SGCD: variants seen among roughly 807,000 people sequenced by gnomAD.
The protein encoded by SGCD is sarcoglycan delta.
In SGCD, 18 loss-of-function variants were observed where a neutral mutation model predicts 36.6. The ratio of observed to expected loss-of-function variants is 0.49; its 90% CI spans 0.34 to 0.73. The LOEUF (loss-of-function observed/expected upper bound fraction) is 0.73, where lower values mean the gene tolerates loss of function less well. Ranked by LOEUF, SGCD falls within the 30% of genes least tolerant of loss-of-function variation. The pLI is 0.01. For synonymous variants in SGCD, 133 were observed against 130.6 expected, an observed-to-expected ratio of 1.02 and a Z score of -0.12; for missense variants, 387 against 346.7, an observed-to-expected ratio of 1.12 and a Z score of -0.92.
the SGCD span, among the ~76,000 whole-genome samples, chr5:155,822,024 T>C: frequency 6.6e-6 from 1 of 152,214 alleles, no homozygotes; most frequent in Non-Finnish European, 1.5e-5. Flanking sequence ...AACTTCATCA[T>C]ACACTAATGA....
chr5:156,302,483 C>T (rs1340017182), intron 3 of SGCD, among the ~76,000 whole-genome samples: 3 of 152,064 alleles, frequency 2.0e-5, no homozygotes, highest in South Asian at 2.1e-4. Context: ...TGAGAAGTCA[C>T]ATATATCTCT....
At chr5:155,823,066 CTA>C in the SGCD span, among the ~76,000 whole-genome samples, 74 of 61,950 alleles carry the variant, frequency 1.2e-3, 1 homozygote, top group East Asian at 0.02. Context: ...ATCTCTATAT[CTA>C]TCTATCTATC....
At chr5:155,963,953 C>T (rs1273134471) in intron 1 of SGCD, among the ~76,000 whole-genome samples, 1 of 152,034 alleles carries the variant, frequency 6.6e-6, no homozygotes, top group African/African-American at 2.4e-5. Context: ...TATTTCATAC[C>T]TCAACAACAT....
chr5:156,219,119 A>G (rs553622407), intron 3 of SGCD, among the ~76,000 whole-genome samples: 20 of 152,332 alleles, frequency 1.3e-4, no homozygotes, highest in African/African-American at 4.3e-4. Context: ...TCAGTTGAGA[A>G]TTTCAATGCT....
rs528665443 is a variant in SGCD at position 156,156,169 on chromosome 5, G to T, written c.-44+32150G>T. Reference sequence around the variant, plus strand: ...TTATAGAAGAGGTCTTAAAGATGTTGTAATGCGACCCCTTCATATTACGAA... The same window carrying T: ...TTATAGAAGAGGTCTTAAAGATGTTTTAATGCGACCCCTTCATATTACGAA... On this transcript the variant is annotated intron_variant, in intron 3 of 9. Transcript: ENST00000517913. Among the ~76,000 whole-genome samples the T allele has an allele frequency of 4.7e-4, 71 of 151,752 alleles. 2 individuals are homozygous for T. The highest frequency in any genetic ancestry group is 1.7e-3 in the African/African-American group (71 of 41,052).
intron 4 of SGCD, among the ~76,000 whole-genome samples, chr5:156,533,196 G>A (rs1757960777): frequency 6.6e-6 from 1 of 152,022 alleles, no homozygotes; most frequent in Non-Finnish European, 1.5e-5. Flanking sequence ...CCCTCTGATG[G>A]CTTCTGTACT....
At chr5:156,223,936 C>G (rs1311814698) in intron 3 of SGCD, among the ~76,000 whole-genome samples, 2 of 151,896 alleles carry the variant, frequency 1.3e-5, no homozygotes, top group Non-Finnish European at 2.9e-5. Context: ...AAACTTAAAA[C>G]TGGCCTGTAA....
intron 4 of SGCD, among the ~76,000 whole-genome samples, chr5:156,567,149 C>G (rs926171142): frequency 1.3e-5 from 2 of 152,136 alleles, no homozygotes; most frequent in African/African-American, 4.8e-5. Flanking sequence ...CTTGGTTAAA[C>G]TCCCTCAGTT....
At chr5:156,705,369 C>A (rs1228006996) in intron 7 of SGCD, among the ~76,000 whole-genome samples, 1 of 152,092 alleles carries the variant, frequency 6.6e-6, no homozygotes, top group Admixed American at 6.5e-5. Flanking sequence ...TTTGCTTTGA[C>A]TGATCAAGTA....
At chr5:156,075,556 A>T (rs114454045) in intron 1 of SGCD, among the ~76,000 whole-genome samples, 1 of 152,158 alleles carries the variant, frequency 6.6e-6, no homozygotes, top group Non-Finnish European at 1.5e-5. Flanking sequence ...ATCAATCTGT[A>T]TAAAGGTTGT....
intron 3 of SGCD, among the ~76,000 whole-genome samples, chr5:156,278,671 C>T (rs1253858698): frequency 2.6e-5 from 4 of 152,174 alleles, no homozygotes; most frequent in African/African-American, 9.6e-5. Context: ...AACCTATCCT[C>T]TTGGAAATTG....
At chr5:156,523,392 C>A (rs76184192) in intron 4 of SGCD, among the ~76,000 whole-genome samples, 2 of 152,086 alleles carry the variant, frequency 1.3e-5, no homozygotes, top group African/African-American at 2.4e-5. Context: ...GATAATGCAA[C>A]GGAACTGAAG....
intron 5 of SGCD, among the ~76,000 whole-genome samples, chr5:156,592,046 TGC>T (rs1760742343): frequency 6.6e-6 from 1 of 152,192 alleles, no homozygotes; most frequent in Admixed American, 6.5e-5. Context: ...GTTCTCTGAT[TGC>T]TGAAGCATAC....
rs186349895 is a variant in SGCD at position 156,650,122 on chromosome 5, T to C, written c.575+2586T>C. 2.0e-3 allele frequency among the ~76,000 whole-genome samples: 311 copies of C among 152,274 alleles called. 1 individual carries two copies. Among genetic ancestry groups the C allele is most frequent in the African/African-American group, 6.9e-3 (288 of 41,570 alleles). On this transcript the variant is annotated intron_variant, in intron 7 of 8. Transcript: ENST00000337851. ...GAACATGGAGCAGAGTATTTGCACATGTTATGCTGAGACATAATCGTAGTG... is the reference window on the plus strand; with the variant it reads ...GAACATGGAGCAGAGTATTTGCACACGTTATGCTGAGACATAATCGTAGTG...
intron 1 of SGCD, among the ~76,000 whole-genome samples, chr5:155,943,002 A>C (rs1757361884): frequency 6.6e-6 from 1 of 152,218 alleles, no homozygotes; most frequent in Admixed American, 6.5e-5. Context: ...ACAGATTTAA[A>C]AAGTGAAGGA....
intron 3 of SGCD, among the ~76,000 whole-genome samples, chr5:156,382,785 A>C (rs1424860409): frequency 6.6e-6 from 1 of 152,192 alleles, no homozygotes; most frequent in African/African-American, 2.4e-5. Context: ...GGTGATTTAC[A>C]TAAGAGACTT....
At chr5:155,953,133 G>A (rs1757577599) in intron 1 of SGCD, among the ~76,000 whole-genome samples, 1 of 152,110 alleles carries the variant, frequency 6.6e-6, no homozygotes, top group Non-Finnish European at 1.5e-5. Flanking sequence ...AGCAAGCCAT[G>A]TTCTTTCATG....
chr5:155,891,915 G>C (rs1292740238), intron 1 of SGCD, among the ~76,000 whole-genome samples: 1 of 152,084 alleles, frequency 6.6e-6, no homozygotes, highest in Non-Finnish European at 1.5e-5. Context: ...AATTTCTCTT[G>C]AGAATTATAG....
At chr5:155,932,117 T>C (rs910529396) in intron 1 of SGCD, among the ~76,000 whole-genome samples, 1 of 152,150 alleles carries the variant, frequency 6.6e-6, no homozygotes, top group African/African-American at 2.4e-5. Context: ...CATATGAATT[T>C]TGGGGAGAGA....
Sources: gnomAD v4.1 joint callset for allele counts (sites outside exome capture counted in the v4.1 genomes callset) on GRCh38, gnomAD v4.1.1 for gene constraint, MANE v1.5 for transcripts, NCBI Gene and HGNC (gene_info 2026-07-23, HGNC 2026-07-21) for gene names.